PBX1: variants seen among roughly 807,000 people sequenced by gnomAD.
PBX1 encodes PBX homeobox 1, also known as pre-B-cell leukemia transcription factor 1.
Under a neutral mutation model 53.4 loss-of-function variants are expected in PBX1, and 6 were observed. The observed-to-expected ratio is 0.11, with a 90% CI of 0.06 to 0.22. The LOEUF is 0.22. Ranked by LOEUF, PBX1 falls within the 10% of genes least tolerant of loss-of-function variation. The pLI is 1.00. For synonymous variants in PBX1, 204 were observed against 212.3 expected, an observed-to-expected ratio of 0.96 and a Z score of 0.34; for missense variants, 251 against 551.4, an observed-to-expected ratio of 0.46 and a Z score of 5.46.
intron 2 of PBX1, among the ~76,000 whole-genome samples, chr1:164,651,074 A>G (rs1315236962): frequency 1.3e-5 from 2 of 152,122 alleles, no homozygotes; most frequent in East Asian, 1.9e-4. Flanking sequence ...TGTACCTCCC[A>G]TCTCTGAAGG....
At position 164,675,943 on chromosome 1, in the gene PBX1, C is replaced by T. The variant is rs76554433; in HGVS notation, c.265+112632C>T. Reference sequence around the variant, plus strand: ...GCAGTTTGAGTCTGGTAACCTCTCACCCTCTTTTCTCACTAGGACCTCTCC... The same window carrying T: ...GCAGTTTGAGTCTGGTAACCTCTCATCCTCTTTTCTCACTAGGACCTCTCC... On this transcript the variant is annotated intron_variant, in intron 2 of 8. Coordinates refer to ENST00000420696, the MANE Select transcript of PBX1 (RefSeq NM_002585.4). Among the ~76,000 whole-genome samples the T allele has an allele frequency of 4.6e-3, 701 of 152,282 alleles. 3 individuals carry two copies. Among genetic ancestry groups the T allele is most frequent in the Non-Finnish European group, 8.3e-3 (565 of 68,032 alleles).
At chr1:164,673,465 C>CTTTTTTTTTTTTT (rs1171916726) in intron 2 of PBX1, among the ~76,000 whole-genome samples, 2 of 109,408 alleles carry the variant, frequency 1.8e-5, no homozygotes, top group Admixed American at 9.9e-5. Flanking sequence ...AAATTACTAA[C>CTTTTTTTTTTTTT]TTTTTTTTTT....
At chr1:164,712,782 TCCGTTCAGCGTC>T (rs1395497008) in intron 2 of PBX1, among the ~76,000 whole-genome samples, 2 of 152,160 alleles carry the variant, frequency 1.3e-5, no homozygotes, top group Non-Finnish European at 2.9e-5. Flanking sequence ...CGTTGCCTGT[TCCGTTCAGCGTC>T]TCCGTGCAGT....
intron 2 of PBX1, among the ~76,000 whole-genome samples, chr1:164,571,029 A>G (rs149721527): frequency 1.1e-4 from 16 of 152,240 alleles, no homozygotes; most frequent in African/African-American, 3.6e-4. Flanking sequence ...GTCTGTTCAT[A>G]TCCTTCACCC....
Position 164,846,878 on chromosome 1 carries a change from T to C in PBX1, c.*202T>C, listed in dbSNP as rs938942127. On this transcript the variant is annotated 3_prime_UTR_variant, in exon 9 of 9. Transcript: ENST00000420696. ...TCTTTATACTCTCTTCCCTTTTTTTTCTGGGTAGAAGCCACCCTTCCCTGC... is the reference window on the plus strand; with the variant it reads ...TCTTTATACTCTCTTCCCTTTTTTTCCTGGGTAGAAGCCACCCTTCCCTGC... 2.1e-6 allele frequency: 3 copies of C among 1,401,668 alleles called. No individual in the cohort carries two copies. Among genetic ancestry groups the C allele is most frequent in the Non-Finnish European group, 2.8e-6 (3 of 1,078,698 alleles). The allele number at this position is 1,401,668 out of a possible 1,614,324, so 86.8% of individuals were successfully genotyped here.
At chr1:164,595,437 G>A (rs61503746) in intron 2 of PBX1, among the ~76,000 whole-genome samples, 4,388 of 152,106 alleles carry the variant, frequency 0.029, 212 homozygotes, top group African/African-American at 0.1. Flanking sequence ...GGCTCTTCAA[G>A]CTAAGACTGA....
rs75169610 is a variant in PBX1, at chr1:164,880,582, T to C, written n.258-18606T>C. On this transcript the variant is annotated intron_variant and non_coding_transcript_variant, in intron 2 of 2. Transcript: ENST00000558796. ...CTGGGCACCTTGCCTTTGCAATTTC[T>C]TGGTTGTATATTTTATCTCTTTCAG... Among the ~76,000 whole-genome samples the C allele has an allele frequency of 5.7e-3, 863 of 152,334 alleles. 6 individuals are homozygous for C. Among genetic ancestry groups the C allele is most frequent in the African/African-American group, 0.019 (798 of 41,588 alleles).
intron 2 of PBX1, among the ~76,000 whole-genome samples, chr1:164,701,565 T>C (rs1318786949): frequency 6.6e-6 from 1 of 152,216 alleles, no homozygotes; most frequent in Non-Finnish European, 1.5e-5. Flanking sequence ...ATGAATCCCA[T>C]GCCTGTGGTA....
At chr1:164,840,094 T>G (rs907446725) in intron 8 of PBX1, among the ~76,000 whole-genome samples, 1 of 152,132 alleles carries the variant, frequency 6.6e-6, no homozygotes, top group African/African-American at 2.4e-5. Flanking sequence ...TTTAAGGAAC[T>G]GTAATAAATA....
intron 2 of PBX1, among the ~76,000 whole-genome samples, chr1:164,717,645 A>G (rs1446434902): frequency 6.6e-6 from 1 of 152,206 alleles, no homozygotes. Flanking sequence ...CATCCTCAAC[A>G]TGGACCAAGA....
chr1:164,758,385 A>G (rs1666635390), intron 2 of PBX1, among the ~76,000 whole-genome samples: 1 of 152,152 alleles, frequency 6.6e-6, no homozygotes, highest in African/African-American at 2.4e-5. Flanking sequence ...GGGAAGTGAC[A>G]CTGCGAGCTG....
chr1:164,821,993 A>T (rs535483927), intron 8 of PBX1, among the ~76,000 whole-genome samples: 67 of 152,258 alleles, frequency 4.4e-4, no homozygotes, highest in South Asian at 3.1e-3. Flanking sequence ...ACCAGTAGCC[A>T]AAATCCATTG....
chr1:164,622,055 A>T (rs1246602263), intron 2 of PBX1, among the ~76,000 whole-genome samples: 1 of 152,196 alleles, frequency 6.6e-6, no homozygotes, highest in African/African-American at 2.4e-5. Flanking sequence ...GCACCATCTA[A>T]GTTTACCCAG....
intron 2 of PBX1, among the ~76,000 whole-genome samples, chr1:164,703,778 G>A (rs934343427): frequency 1.3e-5 from 2 of 152,148 alleles, no homozygotes; most frequent in Admixed American, 6.5e-5. Flanking sequence ...GGTCAGGAAG[G>A]GAAAGGGATG....
intron 2 of PBX1, among the ~76,000 whole-genome samples, chr1:164,671,304 A>C (rs1362467133): frequency 6.6e-6 from 1 of 152,186 alleles, no homozygotes; most frequent in Non-Finnish European, 1.5e-5. Flanking sequence ...TAATGAAATG[A>C]AGTAAAAATA....
intron 2 of PBX1, among the ~76,000 whole-genome samples, chr1:164,569,295 T>C (rs1557865379): frequency 6.6e-6 from 1 of 152,206 alleles, no homozygotes; most frequent in Non-Finnish European, 1.5e-5. Flanking sequence ...TCATTTTCCT[T>C]ATTTATAAAA....
Position 164,562,999 on chromosome 1 carries a change from A to G in PBX1, c.192-239A>G, listed in dbSNP as rs553877210. 63 of 282,102 alleles carry G rather than the reference A, an allele frequency of 2.2e-4. 1 individual carries two copies. The Middle Eastern group carries it at 5.3e-3, about 24-fold the overall frequency. 17.5% of individuals were successfully genotyped at this position (282,102 alleles called of 1,614,324 possible). A position where few individuals can be genotyped will look rare whatever the true frequency, so the allele number is the denominator to read the frequency against. On this transcript the variant is annotated intron_variant, in intron 1 of 8. Transcript: ENST00000420696. ...AAAAAAACCCTTTCCCTAAATGGGCATAATTTAGGTTAGTTCTGTTCTGTA... is the reference window on the plus strand; with the variant it reads ...AAAAAAACCCTTTCCCTAAATGGGCGTAATTTAGGTTAGTTCTGTTCTGTA...
chr1:164,881,340 GGAAGGAAGGAAGGAAGGAAGGAGGAAAA>G (rs1379970900), intron 2 of PBX1, among the ~76,000 whole-genome samples: 981 of 31,204 alleles, frequency 0.031, 51 homozygotes, highest in Non-Finnish European at 0.069. Flanking sequence ...AAAGAAGGAA[GGAAGGAAGGAAGGAAGGAAGGAGGAAAA>G]GAAGGAAGGA....
At chr1:164,704,708 A>G (rs1663329472) in intron 2 of PBX1, among the ~76,000 whole-genome samples, 1 of 152,124 alleles carries the variant, frequency 6.6e-6, no homozygotes, top group Non-Finnish European at 1.5e-5. Context: ...AGCTTTCGTT[A>G]TATCTTACTT....
Sources: allele counts gnomAD v4.1 joint callset (sites outside exome capture counted in the v4.1 genomes callset), GRCh38; gene constraint gnomAD v4.1.1; transcripts MANE v1.5; gene names NCBI Gene and HGNC (gene_info 2026-07-23, HGNC 2026-07-21).